SNTG1: variants seen among roughly 807,000 people sequenced by gnomAD.
SNTG1 encodes gamma-1-syntrophin.
In SNTG1, 39 loss-of-function variants were observed where a neutral mutation model predicts 74.7. That is an observed-to-expected ratio of 0.52 (90% CI 0.40 to 0.68). SNTG1 has a LOEUF of 0.68. Ranked by LOEUF, SNTG1 falls within the 30% of genes least tolerant of loss-of-function variation. SNTG1 has a pLI of 0.00. For missense variants in SNTG1, 685 were observed against 609.5 expected (o/e 1.12, Z -1.30); for synonymous variants, 254 against 217.1 (o/e 1.17, Z -1.49).
chr8:50,243,984 G>A (rs1297187008), intron 2 of SNTG1, among the ~76,000 whole-genome samples: 1 of 152,130 alleles, frequency 6.6e-6, no homozygotes, highest in Non-Finnish European at 1.5e-5. Context: ...AGAAATACCT[G>A]AGACTGGGTG....
intron 1 of SNTG1, among the ~76,000 whole-genome samples, chr8:50,045,807 T>C (rs1425727927): frequency 1.3e-5 from 2 of 152,178 alleles, no homozygotes; most frequent in South Asian, 2.1e-4. Flanking sequence ...CACAAAGATG[T>C]AGTGTATTCA....
chr8:50,042,339 C>T (rs568018184), intron 1 of SNTG1, among the ~76,000 whole-genome samples: 6 of 152,254 alleles, frequency 3.9e-5, no homozygotes, highest in East Asian at 1.9e-4. Context: ...GGTCCTACCC[C>T]TAATCCATTC....
At chr8:50,480,652 T>C (rs972982038) in intron 8 of SNTG1, among the ~76,000 whole-genome samples, 1 of 152,206 alleles carries the variant, frequency 6.6e-6, no homozygotes, top group Non-Finnish European at 1.5e-5. Context: ...ATCTTTAAAG[T>C]GTTTCTTTCA....
At chr8:49,995,107 A>G (rs1172499353) in intron 1 of SNTG1, among the ~76,000 whole-genome samples, 1 of 152,196 alleles carries the variant, frequency 6.6e-6, no homozygotes, top group Non-Finnish European at 1.5e-5. Context: ...GATAATAATG[A>G]AATAAGAGAA....
At chr8:50,228,859 A>G (rs2085473941) in intron 2 of SNTG1, among the ~76,000 whole-genome samples, 1 of 151,964 alleles carries the variant, frequency 6.6e-6, no homozygotes, top group Non-Finnish European at 1.5e-5. Flanking sequence ...GAGGGGGAAT[A>G]CATTAAGATA....
chr8:50,606,270 T>C (rs2094811760), intron 13 of SNTG1, among the ~76,000 whole-genome samples: 1 of 152,118 alleles, frequency 6.6e-6, no homozygotes. Flanking sequence ...TTATGAATAT[T>C]GAGTCTTGAG....
chr8:50,316,374 T>C (rs555769652), intron 2 of SNTG1, among the ~76,000 whole-genome samples: 1 of 152,314 alleles, frequency 6.6e-6, no homozygotes, highest in South Asian at 2.1e-4. Flanking sequence ...GATGTTTTGA[T>C]GTACTTGAAT....
chr8:50,436,242 G>C (rs910478032), intron 4 of SNTG1, among the ~76,000 whole-genome samples: 1 of 152,122 alleles, frequency 6.6e-6, no homozygotes. Flanking sequence ...AAGGAAAAAA[G>C]AAATAGTTCC....
At chr8:50,131,057 CA>C (rs1332822158) in intron 1 of SNTG1, among the ~76,000 whole-genome samples, 1 of 148,342 alleles carries the variant, frequency 6.7e-6, no homozygotes, top group Non-Finnish European at 1.5e-5. Context: ...TGTTTAATTT[CA>C]AAAAGAGAGC....
intron 15 of SNTG1, among the ~76,000 whole-genome samples, chr8:50,687,962 A>G (rs1027564778): frequency 3.9e-5 from 6 of 152,136 alleles, no homozygotes; most frequent in African/African-American, 1.4e-4. Context: ...CTGGTGTTAG[A>G]TGGTATCTCA....
chr8:50,471,527 G>A (rs2093654550), intron 8 of SNTG1, among the ~76,000 whole-genome samples: 1 of 152,140 alleles, frequency 6.6e-6, no homozygotes, highest in Non-Finnish European at 1.5e-5. Flanking sequence ...AATGCAAAAT[G>A]GCACAGCCAC....
In SNTG1 at chr8:50,347,982, A is replaced by ACTGT. The variant is rs2091532116; in HGVS notation, c.-27-46230_-27-46229insCTGT. 1.7e-4 allele frequency among the ~76,000 whole-genome samples: 26 copies of ACTGT among 152,188 alleles called. 2 individuals are homozygous for ACTGT. Among genetic ancestry groups the ACTGT allele is most frequent in the Admixed American group, 4.6e-4 (7 of 15,274 alleles). On this transcript the variant is annotated intron_variant, in intron 2 of 18. Transcript: ENST00000642720. The stretch of plus-strand genomic sequence containing the variant: ...ACAGGATGTTTGCTTTCACTTCCCC[A>ACTGT]AGAAACATTTTTACATACTGTAAGG...
At chr8:49,950,848 C>G (rs1809635311) in intron 1 of SNTG1, among the ~76,000 whole-genome samples, 1 of 152,206 alleles carries the variant, frequency 6.6e-6, no homozygotes, top group Non-Finnish European at 1.5e-5. Flanking sequence ...CTACTTCTCA[C>G]AGCTCTGAGA....
Position 50,016,197 on chromosome 8 carries a change from A to G in SNTG1, c.-103+103966A>G, listed in dbSNP as rs1400505039. On this transcript the variant is annotated intron_variant, in intron 1 of 18. Transcript: ENST00000642720. ...TGCTTTGAAGCTTCTTCTCAATGCA[A>G]CCACTGAGCTGGTAGTCACCAGTTT... Among the ~76,000 whole-genome samples the G allele has an allele frequency of 2.6e-5, 4 of 152,146 alleles. No individual in the cohort carries two copies. In the South Asian group the frequency reaches 6.2e-4, roughly 24 times the overall value.
At chr8:50,215,201 C>G (rs964785906) in intron 2 of SNTG1, among the ~76,000 whole-genome samples, 1 of 151,948 alleles carries the variant, frequency 6.6e-6, no homozygotes, top group Admixed American at 6.6e-5. Flanking sequence ...AAAAACAGAA[C>G]AATCAGCTGA....
intron 2 of SNTG1, among the ~76,000 whole-genome samples, chr8:50,291,371 C>T (rs1379107312): frequency 6.6e-6 from 1 of 150,526 alleles, no homozygotes; most frequent in African/African-American, 2.4e-5. Flanking sequence ...ATAGGGAAAA[C>T]TTCTCCAAGG....
At chr8:50,690,971 C>A (rs1261268105) in intron 15 of SNTG1, among the ~76,000 whole-genome samples, 5 of 152,168 alleles carry the variant, frequency 3.3e-5, no homozygotes, top group Non-Finnish European at 5.9e-5. Flanking sequence ...GTTAGCTCTT[C>A]TTGTTGAATT....
At chr8:50,508,763 G>A (rs2094034431) in intron 9 of SNTG1, among the ~76,000 whole-genome samples, 1 of 152,092 alleles carries the variant, frequency 6.6e-6, no homozygotes, top group Non-Finnish European at 1.5e-5. Flanking sequence ...ATTTTGATGG[G>A]ATTGTTTGTT....
intron 8 of SNTG1, among the ~76,000 whole-genome samples, chr8:50,465,389 A>G (rs1192759464): frequency 6.6e-6 from 1 of 152,164 alleles, no homozygotes; most frequent in Non-Finnish European, 1.5e-5. Context: ...AACATTTGTA[A>G]CACAATAAGA....
Sources: allele counts gnomAD v4.1 joint callset (sites outside exome capture counted in the v4.1 genomes callset), GRCh38; gene constraint gnomAD v4.1.1; transcripts MANE v1.5; gene names NCBI Gene and HGNC (gene_info 2026-07-23, HGNC 2026-07-21).